The following ROBO1 variants were observed in gnomAD, a reference collection of about 807,000 sequenced individuals.
ROBO1 encodes roundabout homolog 1.
A neutral mutation model predicts 195.9 loss-of-function variants in ROBO1; 149 were observed. The ratio of observed to expected loss-of-function variants is 0.76; its 90% CI spans 0.67 to 0.87. ROBO1 has a LOEUF of 0.87. Among genes scored for constraint, ROBO1 ranks in the 40% least tolerant of loss-of-function variants. The pLI is 0.00. For missense variants in ROBO1, 1,933 were observed against 2,068.3 expected (o/e 0.93, Z 1.27); for synonymous variants, 816 against 733.2 (o/e 1.11, Z -1.82).
chr3:78,928,643 T>A (rs996718957), intron 4 of ROBO1, among the ~76,000 whole-genome samples: 1 of 152,210 alleles, frequency 6.6e-6, no homozygotes, highest in African/African-American at 2.4e-5. Context: ...ATTGACTCTT[T>A]ACTGGTTTCT....
intron 3 of ROBO1, among the ~76,000 whole-genome samples, chr3:78,995,382 C>G (rs551018277): frequency 3.9e-5 from 6 of 152,150 alleles, no homozygotes; most frequent in African/African-American, 1.2e-4. Context: ...AACCTGGAAC[C>G]GAGCAACACA....
intron 16 of ROBO1, chr3:78,660,818 G>C (rs1707346910): frequency 4.3e-6 from 2 of 459,846 alleles, no homozygotes; most frequent in Non-Finnish European, 7.7e-6. Flanking sequence ...TTACACATTT[G>C]AGGTAGGCCA....
intron 3 of ROBO1, among the ~76,000 whole-genome samples, chr3:79,011,137 G>A (rs2077766470): frequency 6.6e-6 from 1 of 152,162 alleles, no homozygotes; most frequent in Admixed American, 6.5e-5. Flanking sequence ...CCAGAGGTAT[G>A]TGTAGTTAAC....
intron 15 of ROBO1, among the ~76,000 whole-genome samples, chr3:78,661,675 T>C (rs1031686700): frequency 7.9e-5 from 12 of 152,214 alleles, no homozygotes; most frequent in Non-Finnish European, 2.9e-5. Flanking sequence ...GCCTACTTAA[T>C]ACTACTTGGA....
Position 79,087,587 on chromosome 3 carries a change from C to T in ROBO1, c.172+37869G>A, listed in dbSNP as rs1357379332. On this transcript the variant is annotated intron_variant, in intron 3 of 30. Coordinates refer to ENST00000464233, the MANE Select transcript of ROBO1 (RefSeq NM_002941.4). ...CATTTCTTTGTTCCTTCCTTCTTTT[C>T]TTCCCCGCTTTCTCTCTCCATCCCT... is the stretch of plus-strand genomic sequence containing the variant. 4.0e-5 allele frequency among the ~76,000 whole-genome samples: 6 copies of T among 150,834 alleles called. No individual in the cohort carries two copies. In the South Asian group the frequency reaches 1.3e-3, roughly 32 times the overall value.
At chr3:79,000,219 A>G (rs2077467019) in intron 3 of ROBO1, among the ~76,000 whole-genome samples, 1 of 152,134 alleles carries the variant, frequency 6.6e-6, no homozygotes, top group Non-Finnish European at 1.5e-5. Context: ...AGAAGTGCAC[A>G]GCAAAAGAGG....
At chr3:79,408,235 T>TA (rs11437717) in intron 2 of ROBO1, among the ~76,000 whole-genome samples, 54,883 of 150,550 alleles carry the variant, frequency 0.36, 10,655 homozygotes, top group Admixed American at 0.49. Context: ...ATAAAAAAAA[T>TA]AAAAAAAATT....
intron 3 of ROBO1, among the ~76,000 whole-genome samples, chr3:78,982,625 T>G (rs1194011476): frequency 6.6e-6 from 1 of 152,176 alleles, no homozygotes; most frequent in East Asian, 1.9e-4. Flanking sequence ...TTGTAAATTT[T>G]ACTTTTTTCT....
chr3:79,016,186 T>G (rs2077927974), intron 3 of ROBO1, among the ~76,000 whole-genome samples: 1 of 152,194 alleles, frequency 6.6e-6, no homozygotes, highest in African/African-American at 2.4e-5. Context: ...AAATCGATAG[T>G]GTTGCTTTAT....
At chr3:78,651,975 A>G in intron 18 of ROBO1, 46 bp from the exon 19 acceptor site, 1 of 1,445,278 alleles carries the variant, frequency 6.9e-7, no homozygotes, top group Non-Finnish European at 9.6e-7. Flanking sequence ...ACTCAATGCA[A>G]TAATGCACGC....
intron 4 of ROBO1, among the ~76,000 whole-genome samples, chr3:78,750,154 T>TA (rs2082753153): frequency 6.6e-6 from 1 of 151,796 alleles, no homozygotes; most frequent in Admixed American, 6.6e-5. Flanking sequence ...GTTTTTTCTT[T>TA]AAAAAAAAGT....
At chr3:79,528,018 G>A (rs1262537403) in intron 2 of ROBO1, 2 of 19,926 alleles carry the variant, frequency 1.0e-4, no homozygotes, top group African/African-American at 1.8e-3. Flanking sequence ...TTTTCTGAAT[G>A]TGAGAGTTCA....
In ROBO1 at chr3:78,683,635, G is replaced by C. The variant is rs564512374; in HGVS notation, c.1342+2111C>G. Among the ~76,000 whole-genome samples the C allele has an allele frequency of 1.7e-3, 258 of 152,078 alleles. 2 individuals are homozygous for C. The highest frequency in any genetic ancestry group is 6.0e-3 in the African/African-American group (249 of 41,530). ...ACCAGAAATAAGCCCACAAATCTAT[G>C]TTTATTGGAATTGTAATAAGATGCC... On this transcript the variant is annotated intron_variant, in intron 10 of 30. Coordinates refer to ENST00000464233, the MANE Select transcript of ROBO1 (RefSeq NM_002941.4).
intron 4 of ROBO1, among the ~76,000 whole-genome samples, chr3:78,750,508 TA>T (rs1160655680): frequency 4.5e-4 from 68 of 149,748 alleles, no homozygotes; most frequent in African/African-American, 1.4e-3. Flanking sequence ...TAAAATAAAA[TA>T]AAAAAGTTCA....
chr3:79,541,845 GGAGAGAGAGA>G (rs1166792320), intron 2 of ROBO1, among the ~76,000 whole-genome samples: 7 of 147,702 alleles, frequency 4.7e-5, no homozygotes, highest in Admixed American at 1.4e-4. Context: ...ATATATATAT[GGAGAGAGAGA>G]GAGAAAGAGA....
intron 1 of ROBO1, among the ~76,000 whole-genome samples, chr3:79,637,443 C>T (rs1338981129): frequency 7.2e-6 from 1 of 139,280 alleles, no homozygotes; most frequent in Non-Finnish European, 1.5e-5. Flanking sequence ...AAGAGTAAAA[C>T]TCACGTTTGA....
chr3:78,633,488 A>G (rs887776461), intron 24 of ROBO1, among the ~76,000 whole-genome samples: 15 of 152,126 alleles, frequency 9.9e-5, no homozygotes, highest in South Asian at 6.2e-4. Flanking sequence ...ACAGGCTCCT[A>G]TTGTACCTGA....
chr3:79,001,365 C>G (rs886351102), intron 3 of ROBO1, among the ~76,000 whole-genome samples: 2 of 152,064 alleles, frequency 1.3e-5, no homozygotes, highest in Non-Finnish European at 2.9e-5. Context: ...ATAACTGCCC[C>G]CATGTTTCAA....
intron 3 of ROBO1, among the ~76,000 whole-genome samples, chr3:78,966,174 T>C (rs2076640066): frequency 6.6e-6 from 1 of 152,184 alleles, no homozygotes; most frequent in South Asian, 2.1e-4. Context: ...GGAGGTGGAA[T>C]AGCTGCACTC....
Sources: gnomAD v4.1 joint callset for allele counts (sites outside exome capture counted in the v4.1 genomes callset) on GRCh38, gnomAD v4.1.1 for gene constraint, MANE v1.5 for transcripts, NCBI Gene and HGNC (gene_info 2026-07-23, HGNC 2026-07-21) for gene names.